The following STK32C variants were observed in gnomAD, a reference collection of about 807,000 sequenced individuals.
STK32C encodes the protein serine/threonine-protein kinase 32C.
STK32C carries 31 observed loss-of-function variants against 56.5 expected under a neutral mutation model. That is an observed-to-expected ratio of 0.55 (90% CI 0.41 to 0.74). The LOEUF (loss-of-function observed/expected upper bound fraction) is 0.74. STK32C is among the 30% of genes least tolerant of loss of function. The probability of loss-of-function intolerance (pLI) is 0.00; values close to 1 mark genes in which losing one functional copy is unlikely to be tolerated. For synonymous variants in STK32C, 309 were observed against 289.4 expected (o/e 1.07, Z -0.69); for missense variants, 544 against 676.9 (o/e 0.80, Z 2.18).
intron 10 of STK32C, among the ~76,000 whole-genome samples, chr10:132,217,921 A>G (rs1157049078): frequency 6.6e-6 from 1 of 152,052 alleles, no homozygotes; most frequent in African/African-American, 2.4e-5. Context: ...AAAATAGACT[A>G]ATACAGATGG....
intron 1 of STK32C, among the ~76,000 whole-genome samples, chr10:132,281,175 G>A (rs888819986): frequency 3.0e-5 from 3 of 100,086 alleles, no homozygotes; most frequent in Non-Finnish European, 6.3e-5. Context: ...CGTGATCCTC[G>A]TGGACACACA....
intron 4 of STK32C, 78 bp downstream of exon 4, chr10:132,226,717 C>G: frequency 6.5e-7 from 1 of 1,543,978 alleles, no homozygotes; most frequent in Admixed American, 1.7e-5. Context: ...GTACGGCCGC[C>G]GTGCCGGCAG....
chr10:132,283,733 T>C (rs1159639561), intron 1 of STK32C, among the ~76,000 whole-genome samples: 1 of 152,068 alleles, frequency 6.6e-6, no homozygotes, highest in African/African-American at 2.4e-5. Context: ...AGGGAACACG[T>C]GGTGCCATAC....
intron 10 of STK32C, among the ~76,000 whole-genome samples, chr10:132,222,041 T>C (rs1234933957): frequency 2.8e-5 from 4 of 144,490 alleles, no homozygotes; most frequent in African/African-American, 7.8e-5. Context: ...GGGCTTCACA[T>C]GGCCATCCCT....
chr10:132,233,871 T>G (rs893486060), intron 2 of STK32C, among the ~76,000 whole-genome samples: 4 of 152,350 alleles, frequency 2.6e-5, no homozygotes, highest in African/African-American at 9.6e-5. Context: ...GATGGCCCCT[T>G]CGGCAACAGC....
intron 2 of STK32C, among the ~76,000 whole-genome samples, chr10:132,237,091 C>G (rs2063319169): frequency 1.3e-5 from 2 of 152,244 alleles, no homozygotes; most frequent in Admixed American, 1.3e-4. Context: ...TGGCCACAGC[C>G]TCCCGACTGT....
chr10:132,247,215 T>C (rs2063724119), intron 1 of STK32C, among the ~76,000 whole-genome samples: 1 of 152,122 alleles, frequency 6.6e-6, no homozygotes, highest in African/African-American at 2.4e-5. Flanking sequence ...TGCCGTCTGG[T>C]GGGGCAAGTG....
intron 2 of STK32C, 129 bp downstream of exon 2, chr10:132,245,771 G>C (rs542150125): frequency 6.8e-6 from 6 of 888,418 alleles, no homozygotes; most frequent in African/African-American, 3.3e-5. Context: ...AAGACCTGGA[G>C]CCTCTGCCCA....
intron 10 of STK32C, among the ~76,000 whole-genome samples, chr10:132,212,342 T>TATCACC (rs2062333461): frequency 6.6e-6 from 1 of 152,204 alleles, no homozygotes; most frequent in East Asian, 1.9e-4. Flanking sequence ...CTTCAGCAAA[T>TATCACC]GGTGCTAGGA....
At chr10:132,308,196 G>A (rs1190021568), upstream of STK32C, among the ~76,000 whole-genome samples, 6 of 152,108 alleles carry the variant, frequency 3.9e-5, no homozygotes, top group Non-Finnish European at 5.9e-5. Flanking sequence ...AGGGATGGGG[G>A]CTGTGGTTCG....
intron 2 of STK32C, among the ~76,000 whole-genome samples, chr10:132,229,279 G>A (rs1179688617): frequency 6.6e-6 from 1 of 152,198 alleles, no homozygotes; most frequent in African/African-American, 2.4e-5. Context: ...CCAGCAGGGG[G>A]CCTGGAGGAA....
Position 132,225,539 on chromosome 10 carries a change from T to C in STK32C, c.760A>G (p.Lys254Glu). Residue 254 changes from lysine (K) to glutamate (E), a missense_variant, in exon 6 of 12, where the codon AAG (lysine) becomes GAG (glutamate). Around this residue, in one of 3 missense-constraint regions of STK32C, gnomAD observed 85 missense variants for 149.9 expected, o/e 0.57. Coordinates refer to ENST00000298630, the MANE Select transcript of STK32C (RefSeq NM_173575.4). The stretch of plus-strand genomic sequence containing the variant: ...AGCTCGGGCTCACCCATGTACGGCT[T>C]GGTGCCTGCTAATGCCGTCGCCCGC... ...GERATALAGT[K>E]PYMAPEIFHS... is the part of the protein sequence containing the mutation. 2 of 1,613,858 alleles carry C rather than the reference T, an allele frequency of 1.2e-6. No homozygotes were observed. The highest frequency in any genetic ancestry group is 1.7e-5 in the Admixed American group (1 of 60,030).
In STK32C at chr10:132,249,186, C is replaced by T. The variant is rs1158819287; in HGVS notation, c.263-3231G>A. On this transcript the variant is annotated intron_variant, in intron 1 of 11. Coordinates refer to ENST00000298630, the MANE Select transcript of STK32C (RefSeq NM_173575.4). The stretch of plus-strand genomic sequence containing the variant: ...GGGGGCGGGGCTATGGGGGTCAGGG[C>T]GTGTCAGGGGCGGGGCCGTGGGGTT... 2.1e-4 allele frequency: 31 copies of T among 149,678 alleles called. No homozygotes were observed. In the East Asian group the frequency reaches 7.7e-3, roughly 37 times the overall value. The allele number at this position is 149,678 out of a possible 1,614,324, so 9.3% of individuals were successfully genotyped here.
intron 1 of STK32C, among the ~76,000 whole-genome samples, chr10:132,290,671 G>C (rs1009857440): frequency 6.6e-6 from 1 of 152,226 alleles, no homozygotes; most frequent in African/African-American, 2.4e-5. Flanking sequence ...AGCATGCTGT[G>C]TCCTGAGGCA....
chr10:132,212,368 C>A (rs537322215), intron 10 of STK32C, among the ~76,000 whole-genome samples: 1 of 152,146 alleles, frequency 6.6e-6, no homozygotes, highest in Non-Finnish European at 1.5e-5. Context: ...AGATATCCAC[C>A]GATGAGAGAA....
intron 10 of STK32C, among the ~76,000 whole-genome samples, chr10:132,212,859 G>A (rs563692185): frequency 2.0e-5 from 3 of 152,358 alleles, no homozygotes; most frequent in African/African-American, 4.8e-5. Context: ...AGGTCAAAGC[G>A]CTGCGGCGAC....
chr10:132,238,200 G>C (rs2063361667), intron 2 of STK32C, among the ~76,000 whole-genome samples: 1 of 152,204 alleles, frequency 6.6e-6, no homozygotes, highest in African/African-American at 2.4e-5. Context: ...CTGTGGTGCA[G>C]CAGCTGCTCT....
At chr10:132,297,338 C>T (rs1357071857) in intron 1 of STK32C, among the ~76,000 whole-genome samples, 2 of 152,082 alleles carry the variant, frequency 1.3e-5, no homozygotes, top group African/African-American at 2.4e-5. Context: ...CAGCAGACCC[C>T]GAAGATCCAC....
chr10:132,283,092 G>C (rs775283212), intron 1 of STK32C, among the ~76,000 whole-genome samples: 32 of 152,244 alleles, frequency 2.1e-4, no homozygotes, highest in Non-Finnish European at 4.4e-4. Flanking sequence ...CCAGTGACCA[G>C]ACAGAGCAGG....
Sources: allele counts gnomAD v4.1 joint callset (sites outside exome capture counted in the v4.1 genomes callset), GRCh38; gene constraint gnomAD v4.1.1; regional missense constraint gnomAD v4.1.1; transcripts MANE v1.5; gene names NCBI Gene and HGNC (gene_info 2026-07-23, HGNC 2026-07-21).